EML5: variants seen among roughly 807,000 people sequenced by gnomAD.
EML5 encodes the protein echinoderm microtubule-associated protein-like 5.
EML5 carries 120 observed loss-of-function variants against 250.0 expected under a neutral mutation model. The ratio of observed to expected loss-of-function variants is 0.48; its 90% confidence interval spans 0.41 to 0.56. EML5 has a LOEUF of 0.56. Among genes scored for constraint, EML5 ranks in the 20% least tolerant of loss-of-function variants. EML5 has a pLI of 0.00. For missense variants in EML5, 2,006 were observed against 2,437.6 expected (o/e 0.82, Z 3.73); for synonymous variants, 771 against 806.5 (o/e 0.96, Z 0.75).
chr14:88,768,107 A>C (rs1009921473), intron 1 of EML5, among the ~76,000 whole-genome samples: 2 of 152,312 alleles, frequency 1.3e-5, no homozygotes, highest in Non-Finnish European at 2.9e-5. Context: ...CTCATGATTA[A>C]AGTGGGGTTA....
chr14:88,778,660 TC>T (rs2094469512), intron 1 of EML5, among the ~76,000 whole-genome samples: 1 of 152,164 alleles, frequency 6.6e-6, no homozygotes, highest in African/African-American at 2.4e-5. Context: ...ACGCCTGTAG[TC>T]CCAGCTACTC....
chr14:88,778,678 C>T lies in EML5; in HGVS notation c.197+13629G>A, dbSNP rs866216018. ...CCTGTAGTCCCAGCTACTCAGGAGG[C>T]TGAGGCAGAGGAATCACTTAAACCA... On this transcript the variant is annotated intron_variant, in intron 1 of 43. Transcript: ENST00000554922. 3.3e-5 allele frequency among the ~76,000 whole-genome samples: 5 copies of T among 152,320 alleles called. 1 individual carries two copies. The Middle Eastern group carries it at 0.014, about 414-fold the overall frequency.
intron 20 of EML5, among the ~76,000 whole-genome samples, chr14:88,684,799 C>T (rs531717027): frequency 6.6e-6 from 1 of 151,812 alleles, no homozygotes. Context: ...TTTCTGTATA[C>T]ATTAACAGAA....
chr14:88,684,814 A>G (rs551329953), intron 20 of EML5, among the ~76,000 whole-genome samples: 37 of 152,222 alleles, frequency 2.4e-4, no homozygotes, highest in African/African-American at 8.9e-4. Context: ...ACAGAAAAAA[A>G]CAAATTTTTT....
At chr14:88,689,982 G>A (rs2092921193) in intron 17 of EML5, among the ~76,000 whole-genome samples, 1 of 152,154 alleles carries the variant, frequency 6.6e-6, no homozygotes, top group Non-Finnish European at 1.5e-5. Flanking sequence ...AAGTAGGGTG[G>A]TTAAGGTAAG....
At chr14:88,646,442 AT>A (rs1204414778) in intron 29 of EML5, among the ~76,000 whole-genome samples, 1 of 152,176 alleles carries the variant, frequency 6.6e-6, no homozygotes, top group Non-Finnish European at 1.5e-5. Flanking sequence ...CATATTTAAC[AT>A]TTAAAAATAT....
intron 3 of EML5, among the ~76,000 whole-genome samples, chr14:88,745,198 T>TGTGTGTGTAA (rs1320973785): frequency 5.3e-5 from 8 of 151,440 alleles, no homozygotes; most frequent in African/African-American, 1.9e-4. Flanking sequence ...TGTGTGTGTG[T>TGTGTGTGTAA]AATAGGCCTC....
At position 88,740,582 on chromosome 14, in the gene EML5, A is replaced by G; in HGVS notation, c.526-10T>C. ...CACATAAACTCCAGAACTAAAAGGT[A>G]TATAGTATAATCAAATTACCAAAGA... On this transcript the variant is annotated splice_polypyrimidine_tract_variant and intron_variant, in intron 4 of 43. Coordinates refer to ENST00000554922, the MANE Select transcript of EML5 (RefSeq NM_183387.3). The G allele has an allele frequency of 6.4e-7, 1 of 1,559,464 alleles. No individual in the cohort carries two copies. The highest frequency in any genetic ancestry group is 8.7e-7 in the Non-Finnish European group (1 of 1,154,128).
chr14:88,647,687 C>CAAAA (rs34191990), intron 28 of EML5, among the ~76,000 whole-genome samples: 1,599 of 48,644 alleles, frequency 0.033, 138 homozygotes, highest in Middle Eastern at 0.058. Context: ...GAGACCGTCT[C>CAAAA]AAAAAAAAAA....
intron 1 of EML5, among the ~76,000 whole-genome samples, chr14:88,790,481 T>C (rs2094594986): frequency 1.3e-5 from 2 of 152,218 alleles, no homozygotes; most frequent in Non-Finnish European, 2.9e-5. Flanking sequence ...CAGCTTCTAA[T>C]TACTGCTAGA....
chr14:88,651,396 T>C (rs2091619389), intron 27 of EML5, among the ~76,000 whole-genome samples: 1 of 152,108 alleles, frequency 6.6e-6, no homozygotes, highest in Non-Finnish European at 1.5e-5. Context: ...TAATCATTCT[T>C]CATGAGTAGT....
chr14:88,672,267 A>G (rs2092482416), intron 21 of EML5, among the ~76,000 whole-genome samples: 2 of 152,296 alleles, frequency 1.3e-5, no homozygotes, highest in African/African-American at 2.4e-5. Flanking sequence ...ATAACTACAC[A>G]GAAATTGAAC....
chr14:88,769,766 G>C (rs963035113), intron 1 of EML5, among the ~76,000 whole-genome samples: 1 of 151,976 alleles, frequency 6.6e-6, no homozygotes, highest in Non-Finnish European at 1.5e-5. Flanking sequence ...TCATGAATTC[G>C]TATCAACACT....
chr14:88,714,373 GGAC>G (rs1405144158), intron 9 of EML5, among the ~76,000 whole-genome samples: 3 of 152,112 alleles, frequency 2.0e-5, no homozygotes, highest in African/African-American at 7.2e-5. Flanking sequence ...TAGTTGCCAG[GGAC>G]TGGGAGAGGT....
intron 1 of EML5, among the ~76,000 whole-genome samples, chr14:88,780,522 G>A (rs377019895): frequency 2.6e-5 from 4 of 151,908 alleles, no homozygotes; most frequent in Non-Finnish European, 1.5e-5. Flanking sequence ...TGTGAGGATC[G>A]ACAGGTCTAA....
rs73321660 is a variant in EML5 at position 88,625,317 on chromosome 14, T to C, written c.4741-190A>G. ...GAGGCTTAGCTTTGTCAGGACCTTT[T>C]CCTTTCCAAGTCTGTTGCTTATTAG... On this transcript the variant is annotated intron_variant, in intron 35 of 43. Transcript: ENST00000554922. 4.8e-4 allele frequency: 278 copies of C among 575,346 alleles called. 2 individuals are homozygous for C. In the African/African-American group the frequency reaches 5.0e-3, roughly 10 times the overall value. 35.6% of individuals were successfully genotyped at this position (575,346 alleles called of 1,614,324 possible).
intron 1 of EML5, among the ~76,000 whole-genome samples, chr14:88,779,074 C>T (rs2094473005): frequency 6.6e-6 from 1 of 152,182 alleles, no homozygotes; most frequent in Non-Finnish European, 1.5e-5. Context: ...TCAAGGTAAT[C>T]ACTGCTCCAT....
Position 88,626,991 on chromosome 14 carries a change from G to T in EML5, c.4587C>A (p.Phe1529Leu), listed in dbSNP as rs927162670. The change falls in exon 35 of 44, where the codon TTC (phenylalanine) becomes TTA (leucine). Residue 1529 changes from phenylalanine (F) to leucine (L), a missense_variant. Around this residue, in one of 7 missense-constraint regions of EML5, gnomAD observed 405 missense variants for 523.3 expected, o/e 0.77. Coordinates refer to ENST00000554922, the MANE Select transcript of EML5 (RefSeq NM_183387.3). ...CAAACTGGGTATCTGAATCTGGTCG[G>T]AATTCTGCCACAAAAATACGTTGAT... is the stretch of plus-strand genomic sequence containing the variant. ...GHNQRIFVAE[F>L]RPDSDTQFVS... 2 of 1,613,842 alleles carry T rather than the reference G, an allele frequency of 1.2e-6. No homozygotes were observed. Among genetic ancestry groups the T allele is most frequent in the Non-Finnish European group, 1.7e-6 (2 of 1,179,846 alleles).
At chr14:88,644,559 C>T (rs2091246742) in intron 29 of EML5, 48 bp from the exon 30 acceptor site, 2 of 1,523,626 alleles carry the variant, frequency 1.3e-6, no homozygotes, top group Admixed American at 1.7e-5. Context: ...CACTCAGTGC[C>T]TTCACTGAGC....
Sources: allele counts gnomAD v4.1 joint callset (sites outside exome capture counted in the v4.1 genomes callset), GRCh38; gene constraint gnomAD v4.1.1; regional missense constraint gnomAD v4.1.1; transcripts MANE v1.5; gene names NCBI Gene and HGNC (gene_info 2026-07-23, HGNC 2026-07-21).